Variants in PTPN9 observed in about 807,000 individuals in gnomAD.
The protein encoded by PTPN9 is tyrosine-protein phosphatase non-receptor type 9.
In PTPN9, 26 loss-of-function variants were observed where a neutral mutation model predicts 69.8. That is an observed-to-expected ratio of 0.37 (90% CI 0.27 to 0.52). The LOEUF is 0.52. Ranked by LOEUF, PTPN9 falls within the 20% of genes least tolerant of loss-of-function variation. The probability of loss-of-function intolerance (pLI) is 0.91; values close to 1 mark genes in which losing one functional copy is unlikely to be tolerated. For synonymous variants in PTPN9, 274 were observed against 272.5 expected, an observed-to-expected ratio of 1.01 and a Z score of -0.05; for missense variants, 549 against 740.3, an observed-to-expected ratio of 0.74 and a Z score of 3.00.
At chr15:75,513,967 C>G (rs1236469817) in intron 5 of PTPN9, among the ~76,000 whole-genome samples, 2 of 148,108 alleles carry the variant, frequency 1.4e-5, no homozygotes, top group East Asian at 2.0e-4. Flanking sequence ...GGTGTGGTGA[C>G]GAGCACCTGT....
At chr15:75,494,471 G>C (rs1054373659) in intron 7 of PTPN9, among the ~76,000 whole-genome samples, 3 of 151,762 alleles carry the variant, frequency 2.0e-5, no homozygotes, top group African/African-American at 7.3e-5. Context: ...TTCTGCCTCA[G>C]CCTCCCGAGT....
intron 8 of PTPN9, among the ~76,000 whole-genome samples, chr15:75,485,858 T>C (rs952810182): frequency 2.0e-5 from 3 of 150,578 alleles, no homozygotes; most frequent in Non-Finnish European, 4.4e-5. Flanking sequence ...CCCAGCACTT[T>C]GGGAGGCCAA....
intron 1 of PTPN9, among the ~76,000 whole-genome samples, chr15:75,562,423 C>T (rs1333482518): frequency 4.6e-5 from 7 of 152,152 alleles, no homozygotes; most frequent in Non-Finnish European, 1.0e-4. Flanking sequence ...GTGTGTCATA[C>T]ACGAACATAC....
chr15:75,504,833 G>A (rs1279853969), intron 7 of PTPN9, among the ~76,000 whole-genome samples: 5 of 128,312 alleles, frequency 3.9e-5, no homozygotes, highest in Admixed American at 7.3e-5. Context: ...CAGCCGCCCC[G>A]TCCGGGAGGG....
chr15:75,466,410 G>A lies in PTPN9; in HGVS notation c.*2359C>T, dbSNP rs376972933. 2.0e-5 allele frequency: 3 copies of A among 152,160 alleles called. No individual in the cohort carries two copies. Among genetic ancestry groups the A allele is most frequent in the African/African-American group, 7.2e-5 (3 of 41,412 alleles). 9.4% of individuals were successfully genotyped at this position (152,160 alleles called of 1,614,324 possible). A position where few individuals can be genotyped will look rare whatever the true frequency, so the allele number is the denominator to read the frequency against. ...GTGGTCTTCCATGTACAAAGCTTCT[G>A]GTTCCTTTCTTTCTAAGAGATAAAT... is the stretch of plus-strand genomic sequence containing the variant. On this transcript the variant is annotated 3_prime_UTR_variant, in exon 13 of 13. Transcript: ENST00000618819.
intron 8 of PTPN9, among the ~76,000 whole-genome samples, chr15:75,481,071 T>C (rs1224583857): frequency 5.4e-5 from 3 of 55,798 alleles, no homozygotes; most frequent in South Asian, 7.4e-4. Context: ...GTGAGGAGCG[T>C]CTCTGCCCGG....
intron 7 of PTPN9, among the ~76,000 whole-genome samples, chr15:75,504,257 T>TGGG (rs200420869): frequency 2.6e-5 from 2 of 78,096 alleles, no homozygotes; most frequent in Admixed American, 1.5e-4. Flanking sequence ...GGGAGGGAGG[T>TGGG]GAGGTCAGCC....
chr15:75,510,976 T>C (rs2074842766), intron 5 of PTPN9, among the ~76,000 whole-genome samples: 1 of 152,242 alleles, frequency 6.6e-6, no homozygotes, highest in Admixed American at 6.5e-5. Context: ...ATATTTGTCC[T>C]TTTTTGTCTT....
At chr15:75,549,822 A>G (rs1274360745) in intron 1 of PTPN9, among the ~76,000 whole-genome samples, 1 of 152,150 alleles carries the variant, frequency 6.6e-6, no homozygotes, top group African/African-American at 2.4e-5. Context: ...TAAAATTAAA[A>G]AATTAGCCAG....
intron 1 of PTPN9, among the ~76,000 whole-genome samples, chr15:75,555,060 A>T (rs1309698697): frequency 6.6e-6 from 1 of 152,178 alleles, no homozygotes; most frequent in Non-Finnish European, 1.5e-5. Flanking sequence ...CAACCATGCA[A>T]ATATCCTGGT....
intron 1 of PTPN9, among the ~76,000 whole-genome samples, chr15:75,541,855 T>C (rs924764378): frequency 3.1e-4 from 47 of 151,116 alleles, no homozygotes; most frequent in African/African-American, 1.0e-3. Context: ...TCCTGGAACA[T>C]GGTGAAACCC....
At chr15:75,546,331 G>T (rs1451012480) in intron 1 of PTPN9, among the ~76,000 whole-genome samples, 2 of 152,160 alleles carry the variant, frequency 1.3e-5, no homozygotes, top group East Asian at 1.9e-4. Flanking sequence ...AATTGTCAGG[G>T]TGATAATGGT....
chr15:75,548,772 G>A lies in PTPN9; in HGVS notation c.64-21511C>T, dbSNP rs531264250. On this transcript the variant is annotated intron_variant, in intron 1 of 12. Transcript: ENST00000618819. ...GGGTTCACGCCATTCTCCTGCCTCA[G>A]CCTCCCGAGTAGCTGGGACTACAGG... is the stretch of plus-strand genomic sequence containing the variant. Among the ~76,000 whole-genome samples the A allele has an allele frequency of 2.1e-3, 315 of 150,592 alleles. 1 individual carries two copies. The highest frequency in any genetic ancestry group is 7.2e-3 in the African/African-American group (295 of 40,918).
At chr15:75,567,054 C>T (rs1487386540) in intron 1 of PTPN9, among the ~76,000 whole-genome samples, 1 of 148,634 alleles carries the variant, frequency 6.7e-6, no homozygotes, top group Non-Finnish European at 1.5e-5. Context: ...CTCACTCTGT[C>T]GCCCAGGCTG....
chr15:75,534,369 T>C (rs745668374), intron 1 of PTPN9, among the ~76,000 whole-genome samples: 7 of 152,232 alleles, frequency 4.6e-5, no homozygotes, highest in Non-Finnish European at 7.4e-5. Context: ...AAACCATACA[T>C]TTAAACTAGA....
In PTPN9 at chr15:75,474,533, T is replaced by A. The variant is rs957189485; in HGVS notation, c.1130-766A>T. 2.8e-4 allele frequency among the ~76,000 whole-genome samples: 42 copies of A among 151,514 alleles called. 1 individual carries two copies. Among genetic ancestry groups the A allele is most frequent in the Middle Eastern group, 3.2e-3 (1 of 314 alleles). On this transcript the variant is annotated intron_variant, in intron 9 of 12. Coordinates refer to ENST00000618819, the MANE Select transcript of PTPN9 (RefSeq NM_002833.4). ...GACTCTGTCTCAAAAAAAAAAAAAA[T>A]TAGCTTTATCTTGCAACTTTCTTAT...
chr15:75,554,084 T>A (rs1366970667), intron 1 of PTPN9, among the ~76,000 whole-genome samples: 7 of 146,810 alleles, frequency 4.8e-5, no homozygotes, highest in African/African-American at 1.0e-4. Context: ...AGTGGCACAA[T>A]CATGGGTCAC....
chr15:75,512,852 G>T (rs1370509466), intron 5 of PTPN9: 2 of 279,974 alleles, frequency 7.1e-6, no homozygotes, highest in Non-Finnish European at 1.4e-5. Context: ...ACTTCATCCA[G>T]ATGTCCAGAC....
Position 75,472,824 on chromosome 15 carries a change from C to T in PTPN9, c.1208+865G>A, listed in dbSNP as rs188589140. Among the ~76,000 whole-genome samples, 327 of 150,528 alleles carry T rather than the reference C, an allele frequency of 2.2e-3. 2 individuals carry two copies. The highest frequency in any genetic ancestry group is 7.4e-3 in the African/African-American group (301 of 40,912). ...TTAGCCAGGCGTGGTGGCACATGCC[C>T]GTAATCCTAGCTATTCGGGAGGCTG... is the stretch of plus-strand genomic sequence containing the variant. On this transcript the variant is annotated intron_variant, in intron 10 of 12. Coordinates refer to ENST00000618819, the MANE Select transcript of PTPN9 (RefSeq NM_002833.4).
Sources: gnomAD v4.1 joint callset for allele counts (sites outside exome capture counted in the v4.1 genomes callset) on GRCh38, gnomAD v4.1.1 for gene constraint, MANE v1.5 for transcripts, NCBI Gene and HGNC (gene_info 2026-07-23, HGNC 2026-07-21) for gene names.